The following PBX3 variants were observed in gnomAD, a reference collection of about 807,000 sequenced individuals.
PBX3 encodes the protein pre-B-cell leukemia transcription factor 3.
Under a neutral mutation model 48.5 loss-of-function variants are expected in PBX3, and 14 were observed. The ratio of observed to expected loss-of-function variants is 0.29; its 90% confidence interval spans 0.19 to 0.45. The LOEUF (loss-of-function observed/expected upper bound fraction) is 0.45, where lower values mean the gene tolerates loss of function less well. Ranked by LOEUF, PBX3 falls within the 20% of genes least tolerant of loss-of-function variation. PBX3 has a pLI of 1.00. For missense variants in PBX3, 386 were observed against 546.7 expected (o/e 0.71, Z 2.93); for synonymous variants, 210 against 200.3 (o/e 1.05, Z -0.41).
chr9:125,952,716 G>A (rs1473538149), intron 5 of PBX3, among the ~76,000 whole-genome samples: 2 of 152,108 alleles, frequency 1.3e-5, no homozygotes, highest in African/African-American at 2.4e-5. Context: ...ACAAGGCCTG[G>A]CACTTAAACT....
intron 5 of PBX3, among the ~76,000 whole-genome samples, chr9:125,955,416 C>A (rs1243397934): frequency 6.6e-6 from 1 of 152,140 alleles, no homozygotes; most frequent in African/African-American, 2.4e-5. Context: ...CCTTTCCTCT[C>A]CTTTTTCTGT....
chr9:125,772,539 GA>G (rs1836965919), intron 2 of PBX3, among the ~76,000 whole-genome samples: 1 of 152,214 alleles, frequency 6.6e-6, no homozygotes, highest in Non-Finnish European at 1.5e-5. Flanking sequence ...ATTAATAGAT[GA>G]GTCCTACTTC....
intron 2 of PBX3, among the ~76,000 whole-genome samples, chr9:125,878,320 AG>A (rs999520452): frequency 6.6e-6 from 1 of 152,162 alleles, no homozygotes; most frequent in African/African-American, 2.4e-5. Context: ...GTATTTCGAA[AG>A]GGGAGGGAAA....
chr9:125,825,426 T>G (rs1236699339), intron 2 of PBX3, among the ~76,000 whole-genome samples: 2 of 152,080 alleles, frequency 1.3e-5, no homozygotes, highest in Non-Finnish European at 2.9e-5. Context: ...AGTATCATTT[T>G]AAAATAAAAA....
chr9:125,902,566 C>T (rs1484146012), intron 2 of PBX3, among the ~76,000 whole-genome samples: 1 of 151,532 alleles, frequency 6.6e-6, no homozygotes, highest in African/African-American at 2.4e-5. Context: ...CTAAATATGC[C>T]TCATTTAAAA....
In PBX3 at chr9:125,747,603, C is replaced by T. The variant is rs1836227070; in HGVS notation, c.150C>T (p.Leu50=). 6.2e-7 allele frequency: 1 copy of T among 1,608,290 alleles called. No individual in the cohort carries two copies. The highest frequency in any genetic ancestry group is 8.5e-7 in the Non-Finnish European group (1 of 1,177,356). The part of the protein sequence containing the change: ...DGRKQDIGDI[L]HQIMTITDQS... Reference sequence around the variant, plus strand: ...GGAAGCAGGACATCGGCGACATCCTCCACCAGATCATGACCATCACCGACC... The same window carrying T: ...GGAAGCAGGACATCGGCGACATCCTTCACCAGATCATGACCATCACCGACC... The change falls in exon 1 of 9, where the codon CTC becomes CTT. Residue 50 remains leucine, a synonymous_variant. Coordinates refer to ENST00000373489, the MANE Select transcript of PBX3 (RefSeq NM_006195.6).
rs1837648121 is a variant in PBX3 at position 125,792,747 on chromosome 9, G to T, written c.274+44124G>T. On this transcript the variant is annotated intron_variant, in intron 2 of 8. Transcript: ENST00000373489. ...GGAGTCTCACTCTGTTGCCCAAGCT[G>T]GAGTGCAGTGGCACAATCTCTGCTC... Among the ~76,000 whole-genome samples the T allele has an allele frequency of 2.1e-5, 3 of 143,262 alleles. No individual in the cohort carries two copies. The South Asian group carries it at 6.7e-4, about 32-fold the overall frequency. The allele number at this position is 143,262 out of a possible 152,430, so 94.0% of individuals were successfully genotyped here.
chr9:125,879,511 C>T (rs780737323), intron 2 of PBX3, among the ~76,000 whole-genome samples: 6 of 152,162 alleles, frequency 3.9e-5, no homozygotes, highest in Non-Finnish European at 8.8e-5. Context: ...TAATTTCAAA[C>T]TTGTGGCAAG....
Position 125,747,567 on chromosome 9 carries a change from C to G in PBX3, c.114C>G (p.Asp38Glu), listed in dbSNP as rs773745994. Residue 38 changes from aspartate to glutamate, a missense_variant, in exon 1 of 9, where the codon GAC becomes GAG. By Grantham distance (45) the Asp-to-Glu change is conservative. This residue lies in a region of PBX3 where 116 missense variants were observed against 98.2 expected (regional missense o/e 1.18). Transcript: ENST00000373489. ...CCCCGCACGGCCACGAAGGGGCGGA[C>G]GGCGACGGCAGGAAGCAGGACATCG... is the stretch of plus-strand genomic sequence containing the variant. Reference protein sequence around the residue: ...PPPPHGHEGADGDGRKQDIGD... With the variant: ...PPPPHGHEGAEGDGRKQDIGD... 1 of 1,606,380 alleles carries G rather than the reference C, an allele frequency of 6.2e-7. No homozygotes were observed. Among genetic ancestry groups the G allele is most frequent in the East Asian group, 2.3e-5 (1 of 43,768 alleles).
intron 2 of PBX3, among the ~76,000 whole-genome samples, chr9:125,751,143 A>G (rs1445761288): frequency 6.6e-6 from 1 of 152,218 alleles, no homozygotes; most frequent in Non-Finnish European, 1.5e-5. Context: ...ATACCTAAAA[A>G]TTAATTCTTT....
chr9:125,769,212 A>G (rs572979403), intron 2 of PBX3, among the ~76,000 whole-genome samples: 1 of 152,342 alleles, frequency 6.6e-6, no homozygotes, highest in Admixed American at 6.5e-5. Context: ...TTGTTAGTAT[A>G]GTGTGGTGCC....
chr9:125,844,155 G>A (rs1839363338), intron 2 of PBX3, among the ~76,000 whole-genome samples: 1 of 151,882 alleles, frequency 6.6e-6, no homozygotes, highest in Admixed American at 6.6e-5. Context: ...TAAAGAATCT[G>A]TTTTTAAGGA....
chr9:125,945,575 A>T (rs1423937967), intron 5 of PBX3, among the ~76,000 whole-genome samples: 1 of 152,206 alleles, frequency 6.6e-6, no homozygotes, highest in African/African-American at 2.4e-5. Flanking sequence ...CCCCTGATAG[A>T]TGGTAAACTC....
At chr9:125,932,929 T>C (rs778410467) in intron 4 of PBX3, among the ~76,000 whole-genome samples, 2 of 152,226 alleles carry the variant, frequency 1.3e-5, no homozygotes, top group African/African-American at 4.8e-5. Flanking sequence ...AATGTTGTGA[T>C]GCTGATGGAA....
intron 2 of PBX3, among the ~76,000 whole-genome samples, chr9:125,882,006 G>T (rs1840392935): frequency 6.6e-6 from 1 of 151,706 alleles, no homozygotes; most frequent in Non-Finnish European, 1.5e-5. Context: ...TTCGAGACCA[G>T]GCTGGGCAAC....
Position 125,760,738 on chromosome 9 carries a change from A to AT in PBX3, c.274+12120dup, listed in dbSNP as rs573893211. The stretch of plus-strand genomic sequence containing the variant: ...TTTGTGTTTAAATTAGGCTAATTAC[A>AT]TTTTTCTGTGCATATAAGTACCTAC... On this transcript the variant is annotated intron_variant, in intron 2 of 8. Transcript: ENST00000373489. Among the ~76,000 whole-genome samples, 376 of 152,246 alleles carry AT rather than the reference A, an allele frequency of 2.5e-3. 3 individuals are homozygous for AT. The South Asian group carries it at 0.026, about 11-fold the overall frequency.
rs766095645 is a variant in PBX3 at position 125,966,871 on chromosome 9, CTTTCT to C, written c.*950_*954del. On this transcript the variant is annotated 3_prime_UTR_variant, in exon 9 of 9. Transcript: ENST00000373489. ...ACAATACTCACGCTGTAGTTTGTCTCTTTCTTATCTTTTTGCATCTTGTAATTAAC... is the reference window on the plus strand; with the variant it reads ...ACAATACTCACGCTGTAGTTTGTCTCTATCTTTTTGCATCTTGTAATTAAC... 2 of 152,486 alleles carry C rather than the reference CTTTCT, an allele frequency of 1.3e-5. No homozygotes were observed. Among genetic ancestry groups the C allele is most frequent in the Non-Finnish European group, 2.9e-5 (2 of 68,030 alleles). The allele number at this position is 152,486 out of a possible 1,614,324, so 9.4% of individuals were successfully genotyped here.
intron 8 of PBX3, among the ~76,000 whole-genome samples, chr9:125,964,441 C>A (rs1842490419): frequency 6.6e-6 from 1 of 151,926 alleles, no homozygotes; most frequent in Non-Finnish European, 1.5e-5. Context: ...TTCTGAGAGT[C>A]CACCGAACAC....
At chr9:125,790,242 ATTTC>A (rs1005496970) in intron 2 of PBX3, among the ~76,000 whole-genome samples, 10 of 151,324 alleles carry the variant, frequency 6.6e-5, no homozygotes, top group African/African-American at 2.2e-4. Context: ...TGCAGAGACT[ATTTC>A]TTTCTTTCTT....
Sources: gnomAD v4.1 joint callset for allele counts (sites outside exome capture counted in the v4.1 genomes callset) on GRCh38, gnomAD v4.1.1 for gene constraint, gnomAD v4.1.1 regional missense constraint, MANE v1.5 for transcripts, NCBI Gene and HGNC (gene_info 2026-07-23, HGNC 2026-07-21) for gene names.